The following FAT4 variants were observed in gnomAD, a reference collection of about 807,000 sequenced individuals.
FAT4 encodes FAT atypical cadherin 4, also known as protocadherin Fat 4.
Under a neutral mutation model 303.9 loss-of-function variants are expected in FAT4, and 84 were observed. The observed-to-expected ratio is 0.28, with a 90% CI of 0.23 to 0.33. FAT4 has a LOEUF of 0.33. FAT4 is among the 10% of genes least tolerant of loss of function. FAT4 has a pLI of 1.00. For missense variants in FAT4, 6,005 were observed against 6,146.8 expected, an observed-to-expected ratio of 0.98 and a Z score of 0.77; for synonymous variants, 2,307 against 2,298.8, an observed-to-expected ratio of 1.00 and a Z score of -0.10.
At chr4:125,356,327 T>C (rs1732421855) in intron 2 of FAT4, among the ~76,000 whole-genome samples, 1 of 152,024 alleles carries the variant, frequency 6.6e-6, no homozygotes, top group Non-Finnish European at 1.5e-5. Context: ...TGAAAGTAAA[T>C]GTAGAGAAAT....
intron 14 of FAT4, 78 bp from the exon 15 acceptor site, chr4:125,479,663 T>C: frequency 6.0e-6 from 8 of 1,339,760 alleles, no homozygotes; most frequent in Non-Finnish European, 7.9e-6. Flanking sequence ...AACAAGCTAA[T>C]AAAAGTGTAT....
rs1292351408 is a variant in FAT4 at position 125,450,060 on chromosome 4, T to A, written c.9050T>A (p.Leu3017Gln). 1 of 1,613,850 alleles carries A rather than the reference T, an allele frequency of 6.2e-7. No homozygotes were observed. Among genetic ancestry groups the A allele is most frequent in the African/African-American group, 1.3e-5 (1 of 74,942 alleles). The change falls in exon 10 of 18, where the codon CTG becomes CAG. Residue 3017 changes from leucine (L) to glutamine (Q), a missense_variant. Physicochemically the swap from Leu to Gln is moderately radical, Grantham distance 113 (BLOSUM62 -2). Transcript: ENST00000394329. Reference sequence around the variant, plus strand: ...GCAATAGATGACAAAGATTTTGGACTGAATTCAGAAGTGGAGTATTTCATT... The same window carrying A: ...GCAATAGATGACAAAGATTTTGGACAGAATTCAGAAGTGGAGTATTTCATT... ...VTAIDDKDFG[L>Q]NSEVEYFISN...
intron 2 of FAT4, among the ~76,000 whole-genome samples, chr4:125,396,242 C>T (rs1361041235): frequency 6.6e-6 from 1 of 151,936 alleles, no homozygotes; most frequent in Non-Finnish European, 1.5e-5. Context: ...TCATAGGGCT[C>T]TGCTGAGGTT....
At chr4:125,471,731 G>C (rs899431786) in intron 12 of FAT4, among the ~76,000 whole-genome samples, 2 of 151,358 alleles carry the variant, frequency 1.3e-5, no homozygotes, top group Non-Finnish European at 2.9e-5. Flanking sequence ...AAGTATTTTT[G>C]CACTTTAACT....
In FAT4 at chr4:125,446,721, T is replaced by TA. The variant is rs1363686575; in HGVS notation, c.7450+180dup. 2.0e-5 allele frequency among the ~76,000 whole-genome samples: 3 copies of TA among 152,232 alleles called. No homozygotes were observed. In the South Asian group the frequency reaches 6.2e-4, roughly 32 times the overall value. On this transcript the variant is annotated intron_variant, in intron 9 of 17. Transcript: ENST00000394329. ...GAAAAAATGCTTGAAACTTGAAAAT[T>TA]AACCCTTTCTTGCTAGACTAATTGT...
In FAT4 at chr4:125,449,575, T is replaced by C; in HGVS notation, c.8565T>C (p.Thr2855=). 6.2e-7 allele frequency: 1 copy of C among 1,613,660 alleles called. No homozygotes were observed. Among genetic ancestry groups the C allele is most frequent in the Non-Finnish European group, 8.5e-7 (1 of 1,179,712 alleles). ...TTTCCGCACATGATTCTGGGTGGAC[T>C]GTAAGTACAGATGTCACAATATTTG... ...IRVSAHDSGW[T]VSTDVTIFVT... is the part of the protein sequence containing the mutation. Residue 2855 remains threonine, a synonymous_variant, in exon 10 of 18, where the codon ACT becomes ACC. Transcript: ENST00000394329.
rs748589322 is a variant in FAT4 at position 125,451,265 on chromosome 4, G to A, written c.10255G>A (p.Val3419Ile). The A allele has an allele frequency of 6.2e-7, 1 of 1,614,054 alleles. No individual in the cohort carries two copies. Among genetic ancestry groups the A allele is most frequent in the South Asian group, 1.1e-5 (1 of 91,084 alleles). Residue 3419 changes from valine to isoleucine, a missense_variant, in exon 10 of 18, where the codon GTC (valine) becomes ATC (isoleucine). Physicochemically the swap from Val to Ile is conservative, Grantham distance 29. Transcript: ENST00000394329. ...NIYSVQISEGVPIGTHVTFVS... is the reference protein window; with the variant it reads ...NIYSVQISEGIPIGTHVTFVS... ...CTACAGTGTGCAGATCAGTGAAGGG[G>A]TCCCAATAGGAACTCATGTGACCTT...
intron 2 of FAT4, among the ~76,000 whole-genome samples, chr4:125,346,855 G>C (rs1732022139): frequency 6.6e-6 from 1 of 151,962 alleles, no homozygotes; most frequent in South Asian, 2.1e-4. Flanking sequence ...GGAAAAACAA[G>C]GGAAGATTTA....
intron 2 of FAT4, among the ~76,000 whole-genome samples, chr4:125,330,625 C>T (rs1369741812): frequency 6.6e-6 from 1 of 152,112 alleles, no homozygotes; most frequent in African/African-American, 2.4e-5. Context: ...TGCTATGTTC[C>T]TTAACATATC....
intron 2 of FAT4, among the ~76,000 whole-genome samples, chr4:125,326,931 A>AT (rs1243318544): frequency 6.6e-6 from 1 of 152,180 alleles, no homozygotes; most frequent in Non-Finnish European, 1.5e-5. Context: ...AGGCTGAGAT[A>AT]GGAGAACCAC....
Position 125,319,193 on chromosome 4 carries a change from GTAC to G in FAT4, c.2784_2786del (p.Leu929del). 1 of 1,614,114 alleles carries G rather than the reference GTAC, an allele frequency of 6.2e-7. No individual in the cohort carries two copies. ...CCCTGATGAAGGTGTCAATGGCATG[GTAC>G]TCTATAGTCTGAAGCAAAACCCCAA... is the stretch of plus-strand genomic sequence containing the variant. On this transcript the variant is annotated inframe_deletion, in exon 2 of 18. Transcript: ENST00000394329.
chr4:125,317,191 T>G lies in FAT4; in HGVS notation c.780T>G (p.Pro260=), dbSNP rs756940330. 2 of 1,595,364 alleles carry G rather than the reference T, an allele frequency of 1.3e-6. No individual in the cohort carries two copies. Among genetic ancestry groups the G allele is most frequent in the Non-Finnish European group, 1.7e-6 (2 of 1,167,926 alleles). ...GTTCTCACTACCAGGCGGGGGTGCC[T>G]GAGGACGCGGTTGTGGGTTCCAGCG... ...FGSSHYQAGV[P]EDAVVGSSVL... The change falls in exon 2 of 18, where the codon CCT becomes CCG. Residue 260 remains proline (P), a synonymous_variant. Coordinates refer to ENST00000394329, the MANE Select transcript of FAT4 (RefSeq NM_001291303.3). This position sits in a 1 kb window ranked among gnomAD's most constrained non-coding sequence, Gnocchi z 7.0.
intron 5 of FAT4, among the ~76,000 whole-genome samples, chr4:125,411,465 C>G (rs1734838237): frequency 6.6e-6 from 1 of 151,770 alleles, no homozygotes; most frequent in African/African-American, 2.4e-5. Context: ...GGAATTTTTG[C>G]TGAATAAATG....
In FAT4 at chr4:125,490,730, T is replaced by C. The variant is rs903693968; in HGVS notation, c.13914T>C (p.Ile4638=). 4.3e-6 allele frequency: 7 copies of C among 1,614,018 alleles called. No individual in the cohort carries two copies. Among genetic ancestry groups the C allele is most frequent in the Non-Finnish European group, 5.9e-6 (7 of 1,180,018 alleles). ...SSIAPSDADI[I]QHYKQFRSHT... ...TCGCCCCTTCGGATGCAGACATCATTCAACACTACAAGCAGTTCCGCAGCC... is the reference window on the plus strand; with the variant it reads ...TCGCCCCTTCGGATGCAGACATCATCCAACACTACAAGCAGTTCCGCAGCC... The change falls in exon 18 of 18, where the codon ATT becomes ATC. Residue 4638 remains isoleucine, a synonymous_variant. Transcript: ENST00000394329.
At position 125,319,006 on chromosome 4, in the gene FAT4, G is replaced by A. The variant is rs1163982722; in HGVS notation, c.2595G>A (p.Lys865=). The A allele has an allele frequency of 6.2e-7, 1 of 1,614,192 alleles. No homozygotes were observed. Among genetic ancestry groups the A allele is most frequent in the Admixed American group, 1.7e-5 (1 of 60,020 alleles). Residue 865 remains lysine (K), a synonymous_variant, in exon 2 of 18, where the codon AAG becomes AAA. Coordinates refer to ENST00000394329, the MANE Select transcript of FAT4 (RefSeq NM_001291303.3). ...DREEQSFYQL[K]VVASGGTVTG... ...AAGAGCAATCCTTTTATCAGCTGAA[G>A]GTAGTGGCCAGTGGGGGCACAGTGA... is the stretch of plus-strand genomic sequence containing the variant.
chr4:125,455,549 T>C (rs1032712952), intron 10 of FAT4, among the ~76,000 whole-genome samples: 1 of 152,176 alleles, frequency 6.6e-6, no homozygotes, highest in Admixed American at 6.5e-5. Flanking sequence ...ATTGTTCCAA[T>C]TTTGAAGACC....
At chr4:125,477,102 C>T in intron 13 of FAT4, 53 bp from the exon 14 acceptor site, 6 of 1,265,884 alleles carry the variant, frequency 4.7e-6, no homozygotes, top group Non-Finnish European at 6.1e-6. Context: ...AAACATTATA[C>T]TAAAAATGTA....
chr4:125,370,410 G>A (rs1733061265), intron 2 of FAT4, among the ~76,000 whole-genome samples: 1 of 152,058 alleles, frequency 6.6e-6, no homozygotes, highest in Admixed American at 6.6e-5. Flanking sequence ...AACAACATGA[G>A]GGATTATGCC....
intron 2 of FAT4, among the ~76,000 whole-genome samples, chr4:125,387,690 A>G (rs190542479): frequency 1.2e-3 from 176 of 152,280 alleles, no homozygotes; most frequent in Non-Finnish European, 1.7e-3. Context: ...GTAGCTATAT[A>G]GGGTAGGAAA....
Sources: allele counts gnomAD v4.1 joint callset (sites outside exome capture counted in the v4.1 genomes callset), GRCh38; gene constraint gnomAD v4.1.1; non-coding constraint Gnocchi (gnomAD v3.1); transcripts MANE v1.5; gene names NCBI Gene and HGNC (gene_info 2026-07-23, HGNC 2026-07-21).